POPDC1: variants seen among roughly 807,000 people sequenced by gnomAD.
POPDC1 encodes popeye domain cAMP effector 1.
At chr6:105,105,447 C>T in the POPDC1 span, among the ~76,000 whole-genome samples, 17 of 152,296 alleles carry the variant, frequency 1.1e-4, no homozygotes, top group African/African-American at 3.8e-4. Context: ...TGCCCTGCCT[C>T]GGAATCTGCA....
At chr6:105,127,210 T>C in the POPDC1 span, among the ~76,000 whole-genome samples, 1,729 of 152,238 alleles carry the variant, frequency 0.011, 35 homozygotes, top group African/African-American at 0.04. Context: ...AGCATTCATA[T>C]TTTTCAAAAA....
the POPDC1 span, among the ~76,000 whole-genome samples, chr6:105,104,027 C>T: frequency 1.3e-5 from 2 of 152,172 alleles, no homozygotes; most frequent in Non-Finnish European, 2.9e-5. Flanking sequence ...GATTCACAAT[C>T]CTTAGGGTGA....
At chr6:105,133,368 C>T in the POPDC1 span, 1 of 1,612,634 alleles carries the variant, frequency 6.2e-7, no homozygotes, top group Non-Finnish European at 8.5e-7. Context: ...TTAACATTCC[C>T]CTAAGAAATA....
At chr6:105,135,997 C>T in the POPDC1 span, among the ~76,000 whole-genome samples, 175 of 152,212 alleles carry the variant, frequency 1.1e-3, 4 homozygotes, top group East Asian at 0.03. Context: ...CCTTAAATTA[C>T]CTATACTAGT....
the POPDC1 span, chr6:105,097,508 G>GC: frequency 6.6e-6 from 1 of 152,284 alleles, no homozygotes; most frequent in African/African-American, 2.4e-5. Context: ...GCCACCACAC[G>GC]CAACAGCATG....
chr6:105,100,071 G>A, the POPDC1 span: 1 of 152,164 alleles, frequency 6.6e-6, no homozygotes, highest in Admixed American at 6.5e-5. Context: ...AGGGTAATGT[G>A]AGTAAAATCT....
At chr6:105,115,011 G>A in the POPDC1 span, among the ~76,000 whole-genome samples, 1 of 152,340 alleles carries the variant, frequency 6.6e-6, no homozygotes, top group East Asian at 1.9e-4. Flanking sequence ...AAGTAACAAA[G>A]CCAAATGGCA....
the POPDC1 span, chr6:105,124,442 T>C: frequency 1.2e-6 from 1 of 832,904 alleles, no homozygotes; most frequent in South Asian, 1.5e-5. Context: ...TGGTAACTTG[T>C]TTTTCCCCCC....
chr6:105,131,442 T>A, the POPDC1 span, among the ~76,000 whole-genome samples: 1 of 152,110 alleles, frequency 6.6e-6, no homozygotes, highest in African/African-American at 2.4e-5. Flanking sequence ...TTTAAAATTT[T>A]TTTTTCTTTT....
the POPDC1 span, chr6:105,116,681 T>C: frequency 3.9e-6 from 6 of 1,545,664 alleles, no homozygotes; most frequent in African/African-American, 1.4e-5. Flanking sequence ...TTTAACAAAA[T>C]AAACTCAGAG....
chr6:105,128,223 C>A, the POPDC1 span, among the ~76,000 whole-genome samples: 1 of 152,214 alleles, frequency 6.6e-6, no homozygotes, highest in African/African-American at 2.4e-5. Flanking sequence ...ACTGTACATC[C>A]CCTTACTCCA....
chr6:105,117,416 T>C, the POPDC1 span, among the ~76,000 whole-genome samples: 1 of 152,160 alleles, frequency 6.6e-6, no homozygotes, highest in Non-Finnish European at 1.5e-5. Flanking sequence ...TTCTCGAGTG[T>C]CACATTTCAA....
the POPDC1 span, among the ~76,000 whole-genome samples, chr6:105,112,700 G>A: frequency 8.5e-5 from 13 of 152,116 alleles, no homozygotes; most frequent in African/African-American, 9.7e-5. Context: ...AAAGTAGGTG[G>A]GAGTTGAGAA....
At chr6:105,124,545 A>G in the POPDC1 span, 2 of 1,575,508 alleles carry the variant, frequency 1.3e-6, no homozygotes, top group East Asian at 2.2e-5. Context: ...GTGAAAACAT[A>G]CCTGGAATTT....
the POPDC1 span, chr6:105,100,893 TACTTTAAAAGCTG>T: frequency 2.9e-5 from 13 of 451,328 alleles, no homozygotes; most frequent in African/African-American, 4.0e-5. Context: ...GTAAAACAAT[TACTTTAAAAGCTG>T]ACTAATAAAA....
chr6:105,127,233 G>C, the POPDC1 span, among the ~76,000 whole-genome samples: 3 of 152,250 alleles, frequency 2.0e-5, no homozygotes, highest in East Asian at 5.8e-4. Context: ...TAGATTTATA[G>C]TATGAGAAGA....
the POPDC1 span, among the ~76,000 whole-genome samples, chr6:105,114,103 C>G: frequency 0.025 from 3,831 of 152,216 alleles, 154 homozygotes; most frequent in African/African-American, 0.089. Context: ...TCTGTACAAG[C>G]CTTTATTAAA....
chr6:105,132,765 C>CA, the POPDC1 span, among the ~76,000 whole-genome samples: 2 of 151,908 alleles, frequency 1.3e-5, no homozygotes, highest in African/African-American at 2.4e-5. Flanking sequence ...TTACTGGGAC[C>CA]AAAAAAAATT....
the POPDC1 span, chr6:105,129,538 T>C: frequency 1.9e-6 from 3 of 1,585,580 alleles, no homozygotes; most frequent in Admixed American, 1.8e-5. Flanking sequence ...TTAGATAATC[T>C]AGAAGAGCCT....
Sources: gnomAD v4.1 joint callset for allele counts (sites outside exome capture counted in the v4.1 genomes callset) on GRCh38, gnomAD v4.1.1 for gene constraint, MANE v1.5 for transcripts, NCBI Gene and HGNC (gene_info 2026-07-23, HGNC 2026-07-21) for gene names.